The following CCSER1 variants were observed in gnomAD, a reference collection of about 807,000 sequenced individuals.
The protein encoded by CCSER1 is serine-rich coiled-coil domain-containing protein 1.
CCSER1 carries 41 observed loss-of-function variants against 82.0 expected under a neutral mutation model. The observed-to-expected ratio is 0.50, with a 90% CI of 0.39 to 0.65. The LOEUF (loss-of-function observed/expected upper bound fraction) is 0.65, where lower values mean the gene tolerates loss of function less well. Ranked by LOEUF, CCSER1 falls within the 30% of genes least tolerant of loss-of-function variation. The probability of loss-of-function intolerance (pLI) is 0.00; values close to 1 mark genes in which losing one functional copy is unlikely to be tolerated. For missense variants in CCSER1, 1,119 were observed against 1,064.2 expected (o/e 1.05, Z -0.72); for synonymous variants, 414 against 383.9 (o/e 1.08, Z -0.92).
At chr4:91,229,899 C>G (rs114672275) in intron 10 of CCSER1, among the ~76,000 whole-genome samples, 1 of 152,068 alleles carries the variant, frequency 6.6e-6, no homozygotes, top group African/African-American at 2.4e-5. Context: ...GGCTCAAAGC[C>G]TAGATGATTG....
intron 10 of CCSER1, among the ~76,000 whole-genome samples, chr4:91,581,139 T>A (rs1763706922): frequency 6.6e-6 from 1 of 151,768 alleles, no homozygotes; most frequent in Non-Finnish European, 1.5e-5. Flanking sequence ...TAAACACATC[T>A]AACCACATAA....
intron 1 of CCSER1, among the ~76,000 whole-genome samples, chr4:90,279,221 A>G (rs911657161): frequency 1.1e-4 from 16 of 152,152 alleles, no homozygotes; most frequent in Non-Finnish European, 2.1e-4. Context: ...AAACTTAATT[A>G]ATATACAGAT....
intron 9 of CCSER1, among the ~76,000 whole-genome samples, chr4:90,979,571 T>A (rs1287495510): frequency 6.6e-6 from 1 of 151,766 alleles, no homozygotes; most frequent in Non-Finnish European, 1.5e-5. Flanking sequence ...CTGGTAGTTA[T>A]TAAGGCTGTT....
intron 10 of CCSER1, among the ~76,000 whole-genome samples, chr4:91,499,383 T>C (rs1332979843): frequency 1.4e-5 from 2 of 143,140 alleles, no homozygotes; most frequent in Non-Finnish European, 3.0e-5. Context: ...ATTTCCCATA[T>C]AATCCCTGCC....
At chr4:91,192,563 C>T (rs1735092040) in intron 10 of CCSER1, among the ~76,000 whole-genome samples, 1 of 152,156 alleles carries the variant, frequency 6.6e-6, no homozygotes, top group South Asian at 2.1e-4. Flanking sequence ...TTTGCCCACA[C>T]ATCTTATTAG....
chr4:91,263,341 T>G (rs1270881158), intron 10 of CCSER1, among the ~76,000 whole-genome samples: 1 of 152,074 alleles, frequency 6.6e-6, no homozygotes, highest in Non-Finnish European at 1.5e-5. Context: ...ATCACGACAT[T>G]CTGCACTTAA....
At chr4:90,470,882 G>C (rs921591101) in intron 5 of CCSER1, among the ~76,000 whole-genome samples, 1 of 151,780 alleles carries the variant, frequency 6.6e-6, no homozygotes, top group African/African-American at 2.4e-5. Context: ...AGTATTTGGT[G>C]GCGATTGACT....
intron 7 of CCSER1, among the ~76,000 whole-genome samples, chr4:90,806,411 G>A (rs6822836): frequency 0.34 from 51,491 of 151,704 alleles, 8,887 homozygotes; most frequent in East Asian, 0.42. Flanking sequence ...GTTCCTAGTA[G>A]CCACAATATA....
intron 10 of CCSER1, among the ~76,000 whole-genome samples, chr4:91,203,500 AG>A (rs1223236842): frequency 2.0e-5 from 3 of 151,762 alleles, no homozygotes; most frequent in African/African-American, 7.3e-5. Flanking sequence ...GGAATTAGAT[AG>A]ATAATAAACA....
At chr4:91,316,743 C>A (rs1745861152) in intron 10 of CCSER1, among the ~76,000 whole-genome samples, 1 of 151,966 alleles carries the variant, frequency 6.6e-6, no homozygotes, top group Admixed American at 6.6e-5. Context: ...ACAGTGTGAT[C>A]TTTTAAAGTG....
intron 5 of CCSER1, among the ~76,000 whole-genome samples, chr4:90,627,065 C>T (rs11939853): frequency 2.0e-4 from 30 of 152,060 alleles, no homozygotes; most frequent in African/African-American, 7.2e-4. Context: ...AGTCAACCCT[C>T]AAAAAATGTT....
chr4:91,107,644 T>A (rs1426520929), intron 10 of CCSER1, among the ~76,000 whole-genome samples: 2 of 150,790 alleles, frequency 1.3e-5, no homozygotes, highest in Non-Finnish European at 3.0e-5. Context: ...TTTCTCTTTT[T>A]TTTTTTTTTT....
intron 10 of CCSER1, among the ~76,000 whole-genome samples, chr4:91,508,944 C>T (rs1759678470): frequency 6.6e-6 from 1 of 151,830 alleles, no homozygotes; most frequent in African/African-American, 2.4e-5. Flanking sequence ...TATTGTCATG[C>T]CCCCTTTTTC....
intron 10 of CCSER1, among the ~76,000 whole-genome samples, chr4:91,562,656 T>C (rs529514988): frequency 2.6e-4 from 39 of 151,678 alleles, no homozygotes; most frequent in African/African-American, 8.7e-4. Flanking sequence ...AAAGTGTTCA[T>C]TGTTTAGCAT....
intron 10 of CCSER1, among the ~76,000 whole-genome samples, chr4:91,471,962 T>TC (rs1178481832): frequency 2.2e-5 from 2 of 89,340 alleles, no homozygotes; most frequent in Non-Finnish European, 4.0e-5. Context: ...AGAGCGACAC[T>TC]CCATCTCAAA....
At chr4:91,450,171 C>T (rs1755795443) in intron 10 of CCSER1, among the ~76,000 whole-genome samples, 1 of 152,012 alleles carries the variant, frequency 6.6e-6, no homozygotes, top group Admixed American at 6.6e-5. Context: ...TCTTACTTCC[C>T]AGTCCTACTA....
chr4:90,389,215 A>G (rs1385644185), intron 3 of CCSER1, among the ~76,000 whole-genome samples: 1 of 152,172 alleles, frequency 6.6e-6, no homozygotes, highest in Non-Finnish European at 1.5e-5. Flanking sequence ...AAATTCATAC[A>G]ATTTTCAGAA....
intron 5 of CCSER1, among the ~76,000 whole-genome samples, chr4:90,539,038 G>A (rs1775770587): frequency 6.6e-6 from 1 of 151,976 alleles, no homozygotes; most frequent in Admixed American, 6.6e-5. Flanking sequence ...AACTGAAAAT[G>A]CAGTATAATT....
rs577121995 is a variant in CCSER1, at chr4:90,702,841, C to A, written c.1933-21073C>A. Among the ~76,000 whole-genome samples, 4 of 152,018 alleles carry A rather than the reference C, an allele frequency of 2.6e-5. No individual in the cohort carries two copies. The East Asian group carries it at 7.7e-4, about 29-fold the overall frequency. On this transcript the variant is annotated intron_variant, in intron 6 of 10. Coordinates refer to ENST00000509176, the MANE Select transcript of CCSER1 (RefSeq NM_001145065.2). ...ATATCACCTTTATCATTTTTTATTG[C>A]GTCTATTTGATTCTTCTCTCTTTTC...
Sources: allele counts gnomAD v4.1 joint callset (sites outside exome capture counted in the v4.1 genomes callset), GRCh38; gene constraint gnomAD v4.1.1; transcripts MANE v1.5; gene names NCBI Gene and HGNC (gene_info 2026-07-23, HGNC 2026-07-21).